The following LRIG3 variants were observed in gnomAD, a reference collection of about 807,000 sequenced individuals.
LRIG3 encodes the protein leucine rich repeats and immunoglobulin like domains 3, also known as leucine-rich repeats and immunoglobulin-like domains protein 3.
LRIG3 carries 76 observed loss-of-function variants against 114.5 expected under a neutral mutation model. The ratio of observed to expected loss-of-function variants is 0.66; its 90% CI spans 0.55 to 0.80. The LOEUF (loss-of-function observed/expected upper bound fraction) is 0.80. Among genes scored for constraint, LRIG3 ranks in the 30% least tolerant of loss-of-function variants. The pLI is 0.00. For synonymous variants in LRIG3, 512 were observed against 519.8 expected (o/e 0.98, Z 0.20); for missense variants, 1,239 against 1,382.8 (o/e 0.90, Z 1.65).
At chr12:58,903,033 G>C (rs1871924803) in intron 3 of LRIG3, among the ~76,000 whole-genome samples, 1 of 152,112 alleles carries the variant, frequency 6.6e-6, no homozygotes, top group Admixed American at 6.6e-5. Flanking sequence ...TAAACATTAT[G>C]TGTGCATGTG....
rs778735593 is a variant in LRIG3 at position 58,874,384 on chromosome 12, GTCTC to G, written c.2839+42_2839+45del. The G allele has an allele frequency of 1.1e-5, 18 of 1,610,588 alleles. No homozygotes were observed. In the East Asian group the frequency reaches 1.6e-4, roughly 14 times the overall value. ...GAGATTACAGTTAGCACATCTAGAA[GTCTC>G]TCTAAGAAACAGAACTGTACTCAAG... On this transcript the variant is annotated intron_variant, in intron 17 of 18. Transcript: ENST00000320743.
chr12:58,890,204 T>C, intron 4 of LRIG3, 65 bp from the exon 5 acceptor site: 2 of 1,561,584 alleles, frequency 1.3e-6, no homozygotes, highest in African/African-American at 1.4e-5. Context: ...GCAGGCCATC[T>C]CTGTATTAGA....
chr12:58,895,770 A>G (rs1871619996), intron 3 of LRIG3, among the ~76,000 whole-genome samples: 1 of 152,316 alleles, frequency 6.6e-6, no homozygotes, highest in African/African-American at 2.4e-5. Flanking sequence ...AAGGGCACCA[A>G]TCGGAGGCTC....
chr12:58,883,642 G>A (rs1385043266), intron 10 of LRIG3, 51 bp from the exon 11 acceptor site: 1 of 1,411,220 alleles, frequency 7.1e-7, no homozygotes, highest in Non-Finnish European at 9.7e-7. Context: ...ATCATTTCGT[G>A]CTTTTGGACA....
At chr12:58,893,196 C>T (rs760201167) in intron 3 of LRIG3, among the ~76,000 whole-genome samples, 2 of 152,144 alleles carry the variant, frequency 1.3e-5, no homozygotes, top group African/African-American at 2.4e-5. Context: ...GGGGACAAAA[C>T]GGGCATACAT....
chr12:58,903,349 T>C (rs1187439409), intron 3 of LRIG3, among the ~76,000 whole-genome samples: 2 of 152,268 alleles, frequency 1.3e-5, no homozygotes, highest in Non-Finnish European at 2.9e-5. Flanking sequence ...TCATGTCTTT[T>C]GGCTGCATAA....
intron 1 of LRIG3, among the ~76,000 whole-genome samples, chr12:58,915,263 G>A (rs755206081): frequency 3.3e-5 from 5 of 152,250 alleles, no homozygotes; most frequent in Non-Finnish European, 2.9e-5. Flanking sequence ...ATGAAAAACC[G>A]GGATAACAAA....
chr12:58,905,861 T>A (rs1247743096), intron 3 of LRIG3, among the ~76,000 whole-genome samples: 1 of 152,182 alleles, frequency 6.6e-6, no homozygotes, highest in Non-Finnish European at 1.5e-5. Context: ...CTTCTCAGCC[T>A]CCACAATAAG....
chr12:58,885,968 A>G, intron 9 of LRIG3, 66 bp from the exon 10 acceptor site: 1 of 971,236 alleles, frequency 1.0e-6, no homozygotes, highest in Non-Finnish European at 1.5e-6. Flanking sequence ...ACTCTCATAA[A>G]CAGAACTGCT....
intron 14 of LRIG3, among the ~76,000 whole-genome samples, chr12:58,878,252 G>C (rs1445370725): frequency 6.6e-6 from 1 of 152,118 alleles, no homozygotes; most frequent in African/African-American, 2.4e-5. Context: ...TTTAGGGCCG[G>C]ATGCCTGGGC....
intron 3 of LRIG3, among the ~76,000 whole-genome samples, chr12:58,897,151 G>A (rs550227963): frequency 2.0e-5 from 3 of 152,150 alleles, no homozygotes; most frequent in African/African-American, 7.2e-5. Context: ...TTCATTAAAA[G>A]AACACATGTT....
intron 3 of LRIG3, among the ~76,000 whole-genome samples, chr12:58,894,321 A>T (rs1478634801): frequency 6.6e-6 from 1 of 152,156 alleles, no homozygotes; most frequent in Non-Finnish European, 1.5e-5. Context: ...CAAAAATTTA[A>T]ATCTGTCCTA....
chr12:58,905,638 A>G (rs1267066799), intron 3 of LRIG3, among the ~76,000 whole-genome samples: 1 of 152,158 alleles, frequency 6.6e-6, no homozygotes, highest in African/African-American at 2.4e-5. Context: ...TGAGGGCTCT[A>G]CCCTCGTGAA....
chr12:58,896,035 A>G (rs1871630430), intron 3 of LRIG3, among the ~76,000 whole-genome samples: 1 of 152,210 alleles, frequency 6.6e-6, no homozygotes, highest in Non-Finnish European at 1.5e-5. Flanking sequence ...TAAGACACAG[A>G]GTGCAGACTA....
In LRIG3 at chr12:58,918,626, C is replaced by T. The variant is rs536021059; in HGVS notation, c.236+1374G>A. Among the ~76,000 whole-genome samples, 657 of 152,298 alleles carry T rather than the reference C, an allele frequency of 4.3e-3. 4 individuals are homozygous for T. Among genetic ancestry groups the T allele is most frequent in the Non-Finnish European group, 7.7e-3 (521 of 68,018 alleles). On this transcript the variant is annotated intron_variant, in intron 1 of 18. Transcript: ENST00000320743. ...CCTCCAGTCATTTACATGTTCAGTT[C>T]CATATGTTGTCAATAGAGCCATTCA... is the stretch of plus-strand genomic sequence containing the variant.
chr12:58,872,865 G>A lies in LRIG3; in HGVS notation c.3116-49C>T, dbSNP rs370171418. On this transcript the variant is annotated intron_variant, in intron 18 of 18. Transcript: ENST00000320743. ...CACATGGGTCCCTTTGCTAGCATGTGAATCAATAAAACCCATTGCAAATGA... is the reference window on the plus strand; with the variant it reads ...CACATGGGTCCCTTTGCTAGCATGTAAATCAATAAAACCCATTGCAAATGA... 6 of 1,575,764 alleles carry A rather than the reference G, an allele frequency of 3.8e-6. No individual in the cohort carries two copies. In the African/African-American group the frequency reaches 5.5e-5, roughly 14 times the overall value.
rs1271560349 is a variant in LRIG3, at chr12:58,872,786, T to C, written c.3146A>G (p.His1049Arg). The C allele has an allele frequency of 6.2e-7, 1 of 1,613,784 alleles. No individual in the cohort carries two copies. Among genetic ancestry groups the C allele is most frequent in the African/African-American group, 1.3e-5 (1 of 74,910 alleles). The change falls in exon 19 of 19, where the codon CAC becomes CGC. Residue 1049 changes from histidine to arginine, a missense_variant. Coordinates refer to ENST00000320743, the MANE Select transcript of LRIG3 (RefSeq NM_153377.5). ...GTFGKALRRPHLDAYSSFGQP... is the reference protein window; with the variant it reads ...GTFGKALRRPRLDAYSSFGQP... The stretch of plus-strand genomic sequence containing the variant: ...TCCAAAGCTTGAATAGGCATCTAGG[T>C]GAGGTCTCCTGAGAGCTTTTCCAAA...
chr12:58,914,400 C>T (rs1872401187), intron 1 of LRIG3, 64 bp from the exon 2 acceptor site: 5 of 1,247,962 alleles, frequency 4.0e-6, no homozygotes, highest in Non-Finnish European at 5.8e-6. Flanking sequence ...GCTAACTGGG[C>T]TTATGAAGTA....
intron 3 of LRIG3, among the ~76,000 whole-genome samples, chr12:58,902,702 A>G (rs1359872806): frequency 1.0e-4 from 15 of 146,900 alleles, no homozygotes; most frequent in African/African-American, 3.7e-4. Context: ...TATATCTCCT[A>G]ATGCTATCCC....
Sources: allele counts gnomAD v4.1 joint callset (sites outside exome capture counted in the v4.1 genomes callset), GRCh38; gene constraint gnomAD v4.1.1; transcripts MANE v1.5; gene names NCBI Gene and HGNC (gene_info 2026-07-23, HGNC 2026-07-21).